Variants in SHC3 observed in about 807,000 individuals in gnomAD.
The protein encoded by SHC3 is SHC adaptor protein 3.
A neutral mutation model predicts 60.4 loss-of-function variants in SHC3; 15 were observed. The observed-to-expected ratio is 0.25, with a 90% CI of 0.17 to 0.38. The LOEUF is 0.38. SHC3 is among the 10% of genes least tolerant of loss of function. The pLI, the probability that SHC3 is intolerant of heterozygous loss-of-function variation, is 1.00. For missense variants in SHC3, 677 were observed against 786.1 expected, an observed-to-expected ratio of 0.86 and a Z score of 1.66; for synonymous variants, 294 against 325.9, an observed-to-expected ratio of 0.90 and a Z score of 1.05.
In SHC3 at chr9:89,052,027, C is replaced by T. The variant is rs775404709; in HGVS notation, c.962+10G>A. On this transcript the variant is annotated intron_variant, in intron 7 of 11. Coordinates refer to ENST00000375835, the MANE Select transcript of SHC3 (RefSeq NM_016848.6). ...TAGGCTATTGCAAATGGTGTCACAG[C>T]ACTACTCACCGATCATGGAGAGCGG... 3.5e-5 allele frequency: 56 copies of T among 1,612,800 alleles called. No individual in the cohort carries two copies. In the South Asian group the frequency reaches 5.9e-4, roughly 17 times the overall value.
At chr9:89,164,208 G>A (rs1410857310) in intron 1 of SHC3, among the ~76,000 whole-genome samples, 3 of 152,136 alleles carry the variant, frequency 2.0e-5, no homozygotes, top group Admixed American at 6.5e-5. Flanking sequence ...ATTCTCAGGG[G>A]CTCCGGCATT....
chr9:89,115,055 T>C (rs138582244), intron 1 of SHC3, among the ~76,000 whole-genome samples: 1 of 152,292 alleles, frequency 6.6e-6, no homozygotes, highest in African/African-American at 2.4e-5. Flanking sequence ...ACAGGGTTAT[T>C]TGAATACCAT....
intron 3 of SHC3, 79 bp downstream of exon 3, chr9:89,077,761 T>G (rs1249241980): frequency 3.0e-5 from 46 of 1,518,216 alleles, no homozygotes; most frequent in Non-Finnish European, 3.7e-5. Context: ...TGAATAATTC[T>G]GTGTGACTGA....
intron 2 of SHC3, among the ~76,000 whole-genome samples, chr9:89,078,354 A>G (rs1052664552): frequency 2.0e-5 from 3 of 152,212 alleles, no homozygotes; most frequent in African/African-American, 7.2e-5. Context: ...GAATGTAATT[A>G]AAAGAAACAT....
intron 11 of SHC3, 46 bp from the exon 12 acceptor site, chr9:89,013,621 A>T (rs1040253404): frequency 6.3e-7 from 1 of 1,587,304 alleles, no homozygotes; most frequent in Admixed American, 1.8e-5. Context: ...CACAGGCAGC[A>T]AAAAGAGAAA....
At chr9:89,050,341 A>G (rs1346611028) in intron 7 of SHC3, among the ~76,000 whole-genome samples, 5 of 152,210 alleles carry the variant, frequency 3.3e-5, no homozygotes, top group Non-Finnish European at 7.3e-5. Flanking sequence ...GCTGGAGTGC[A>G]GCAGCACAAT....
intron 11 of SHC3, among the ~76,000 whole-genome samples, chr9:89,030,723 A>T (rs1200627887): frequency 6.6e-6 from 1 of 152,146 alleles, no homozygotes; most frequent in Non-Finnish European, 1.5e-5. Flanking sequence ...ACCCAAATAG[A>T]TGTAGTCTGC....
intron 2 of SHC3, among the ~76,000 whole-genome samples, chr9:89,086,318 C>T (rs1296973769): frequency 1.3e-5 from 2 of 152,202 alleles, no homozygotes; most frequent in South Asian, 2.1e-4. Context: ...CTCCTTCTGA[C>T]TAACTGGCTA....
chr9:89,073,940 G>A (rs1825314186), intron 4 of SHC3, among the ~76,000 whole-genome samples: 1 of 152,222 alleles, frequency 6.6e-6, no homozygotes. Context: ...TGAATATTCA[G>A]AATCCACAAC....
intron 6 of SHC3, among the ~76,000 whole-genome samples, chr9:89,058,538 TTACATGGTGGAGGTG>T (rs1405374824): frequency 2.1e-3 from 287 of 136,484 alleles, no homozygotes; most frequent in African/African-American, 7.7e-3. Flanking sequence ...GATGGAGGAT[TTACATGGTGGAGGTG>T]TACATGGTGG....
At chr9:89,048,258 G>T (rs72748943) in intron 7 of SHC3, among the ~76,000 whole-genome samples, 19,659 of 115,726 alleles carry the variant, frequency 0.17, 1,441 homozygotes, top group Middle Eastern at 0.22. Flanking sequence ...AAAAAAAAAA[G>T]GTAGAAGTAC....
intron 2 of SHC3, chr9:89,109,866 TC>T (rs1248433651): frequency 9.1e-6 from 9 of 985,368 alleles, no homozygotes; most frequent in Non-Finnish European, 1.1e-5. Flanking sequence ...GCAAAGTCTC[TC>T]CCATGAAACA....
intron 1 of SHC3, among the ~76,000 whole-genome samples, chr9:89,163,135 C>A (rs1429038907): frequency 2.7e-5 from 4 of 149,264 alleles, no homozygotes; most frequent in Admixed American, 1.3e-4. Context: ...AACACTTTTA[C>A]ACTGTTGGTG....
At chr9:89,147,721 T>A (rs1257057240) in intron 1 of SHC3, among the ~76,000 whole-genome samples, 2 of 152,068 alleles carry the variant, frequency 1.3e-5, no homozygotes, top group Non-Finnish European at 2.9e-5. Context: ...ACCGAGAATA[T>A]AAGGAAATCA....
At chr9:89,112,670 A>T (rs1383812646) in intron 1 of SHC3, 44 bp from the exon 2 acceptor site, 4 of 1,538,092 alleles carry the variant, frequency 2.6e-6, no homozygotes, top group Non-Finnish European at 3.5e-6. Flanking sequence ...GAGATTTGAG[A>T]TAAAGAGACA....
intron 2 of SHC3, among the ~76,000 whole-genome samples, chr9:89,092,147 A>G (rs1825630537): frequency 6.6e-6 from 1 of 152,240 alleles, no homozygotes; most frequent in Non-Finnish European, 1.5e-5. Flanking sequence ...CCTAAATTGC[A>G]TGTGATATGT....
chr9:89,153,333 T>C (rs1826572318), intron 1 of SHC3, among the ~76,000 whole-genome samples: 1 of 152,158 alleles, frequency 6.6e-6, no homozygotes, highest in Non-Finnish European at 1.5e-5. Flanking sequence ...TCTGATGCCC[T>C]ACTTATAAGG....
In SHC3 at chr9:89,009,989, C is replaced by T. The variant is rs1825995131; in HGVS notation, c.*3458G>A. 6.6e-6 allele frequency: 1 copy of T among 152,250 alleles called. No individual in the cohort carries two copies. Among genetic ancestry groups the T allele is most frequent in the Admixed American group, 6.5e-5 (1 of 15,284 alleles). The allele number at this position is 152,250 out of a possible 1,614,324, so 9.4% of individuals were successfully genotyped here. A position where few individuals can be genotyped will look rare whatever the true frequency, so the allele number is the denominator to read the frequency against. ...CCCTGGCACATGGGCCCTTTAGGGTCCACCCTTCCCTAGGCCTGTCCTTCC... is the reference window on the plus strand; with the variant it reads ...CCCTGGCACATGGGCCCTTTAGGGTTCACCCTTCCCTAGGCCTGTCCTTCC... On this transcript the variant is annotated 3_prime_UTR_variant, in exon 12 of 12. Coordinates refer to ENST00000375835, the MANE Select transcript of SHC3 (RefSeq NM_016848.6).
At chr9:89,087,677 A>G (rs1825554470) in intron 2 of SHC3, among the ~76,000 whole-genome samples, 1 of 152,230 alleles carries the variant, frequency 6.6e-6, no homozygotes, top group Non-Finnish European at 1.5e-5. Context: ...ATATAAACCA[A>G]AAATAAAATT....
Sources: gnomAD v4.1 joint callset for allele counts (sites outside exome capture counted in the v4.1 genomes callset) on GRCh38, gnomAD v4.1.1 for gene constraint, MANE v1.5 for transcripts, NCBI Gene and HGNC (gene_info 2026-07-23, HGNC 2026-07-21) for gene names.